The following CAMK2D variants were observed in gnomAD, a reference collection of about 807,000 sequenced individuals.
The protein encoded by CAMK2D is calcium/calmodulin-dependent protein kinase type II subunit delta.
A neutral mutation model predicts 84.0 loss-of-function variants in CAMK2D; 37 were observed. The observed-to-expected ratio is 0.44, with a 90% CI of 0.34 to 0.58. The LOEUF (loss-of-function observed/expected upper bound fraction) is 0.58, where lower values mean the gene tolerates loss of function less well. CAMK2D is among the 20% of genes least tolerant of loss of function. The pLI, the probability that CAMK2D is intolerant of heterozygous loss-of-function variation, is 0.02. For synonymous variants in CAMK2D, 202 were observed against 212.5 expected, an observed-to-expected ratio of 0.95 and a Z score of 0.43; for missense variants, 448 against 652.5, an observed-to-expected ratio of 0.69 and a Z score of 3.41.
intron 4 of CAMK2D, among the ~76,000 whole-genome samples, chr4:113,587,702 T>C (rs1284776729): frequency 2.0e-5 from 3 of 152,160 alleles, no homozygotes; most frequent in African/African-American, 7.2e-5. Flanking sequence ...CTCCAGACTA[T>C]TAGTAACAGT....
rs144417205 is a variant in CAMK2D, at chr4:113,696,132, G to A, written c.161-34360C>T. 7.1e-3 allele frequency among the ~76,000 whole-genome samples: 1,074 copies of A among 151,444 alleles called. 15 individuals are homozygous for A. The highest frequency in any genetic ancestry group is 0.025 in the African/African-American group (1,025 of 41,312). On this transcript the variant is annotated intron_variant, in intron 2 of 20. Transcript: ENST00000511664. Reference sequence around the variant, plus strand: ...ATGCACCATACTAAGGGAGGTCTTTGCTAAGCCATCATATTTAAAATTGCA... The same window carrying A: ...ATGCACCATACTAAGGGAGGTCTTTACTAAGCCATCATATTTAAAATTGCA...
chr4:113,692,173 C>T (rs1446916510), intron 2 of CAMK2D, among the ~76,000 whole-genome samples: 1 of 152,158 alleles, frequency 6.6e-6, no homozygotes, highest in Non-Finnish European at 1.5e-5. Context: ...GAGTTCTCAA[C>T]TGACCATATT....
At chr4:113,499,441 T>G (rs1160315206) in intron 16 of CAMK2D, among the ~76,000 whole-genome samples, 1 of 152,226 alleles carries the variant, frequency 6.6e-6, no homozygotes, top group Non-Finnish European at 1.5e-5. Flanking sequence ...CAAGTTGTGA[T>G]CTACAGCCAT....
At chr4:113,645,413 T>C (rs1429066893) in intron 3 of CAMK2D, among the ~76,000 whole-genome samples, 3 of 152,200 alleles carry the variant, frequency 2.0e-5, no homozygotes, top group Non-Finnish European at 2.9e-5. Context: ...TATTCATTTA[T>C]GAAGTTTCTG....
intron 8 of CAMK2D, among the ~76,000 whole-genome samples, chr4:113,525,417 A>G (rs1040330085): frequency 2.6e-5 from 4 of 152,212 alleles, no homozygotes; most frequent in African/African-American, 4.8e-5. Flanking sequence ...TTAGGAAATT[A>G]TGGAAGCAGT....
At chr4:113,650,565 A>T (rs2099168787) in intron 3 of CAMK2D, among the ~76,000 whole-genome samples, 1 of 152,052 alleles carries the variant, frequency 6.6e-6, no homozygotes, top group African/African-American at 2.4e-5. Flanking sequence ...GGTGGAAACA[A>T]ATTAAATTAA....
At chr4:113,709,746 G>GAGATATATATATATATATATATATAT (rs1554070631) in intron 2 of CAMK2D, among the ~76,000 whole-genome samples, 22 of 49,776 alleles carry the variant, frequency 4.4e-4, no homozygotes, top group Non-Finnish European at 6.9e-4. Flanking sequence ...AGCCGTGAAC[G>GAGATATATATATATATATATATATAT]ATATATATAT....
intron 4 of CAMK2D, among the ~76,000 whole-genome samples, chr4:113,553,904 C>T (rs1001290332): frequency 6.6e-6 from 1 of 152,048 alleles, no homozygotes; most frequent in Non-Finnish European, 1.5e-5. Context: ...GTGACGATAA[C>T]AATTTTGTGA....
chr4:113,610,800 T>C (rs368011228), intron 3 of CAMK2D, among the ~76,000 whole-genome samples: 14 of 152,136 alleles, frequency 9.2e-5, no homozygotes, highest in South Asian at 6.2e-4. Context: ...AGTGCCACCC[T>C]TGAGGTCATT....
At chr4:113,720,937 T>C (rs1189335665) in intron 2 of CAMK2D, among the ~76,000 whole-genome samples, 8 of 152,160 alleles carry the variant, frequency 5.3e-5, no homozygotes, top group Non-Finnish European at 5.9e-5. Flanking sequence ...GTGAATATTT[T>C]GTTTCTGGCC....
chr4:113,759,444 T>C lies in CAMK2D; in HGVS notation c.66-30A>G, dbSNP rs760973355. The C allele has an allele frequency of 1.2e-5, 15 of 1,237,982 alleles. No individual in the cohort carries two copies. The East Asian group carries it at 2.8e-4, about 23-fold the overall frequency. 76.7% of individuals were successfully genotyped at this position (1,237,982 alleles called of 1,614,324 possible). ...AAACCAATAATTAGCAGGTCATTAATATAACAGATATAATATTTCATTAAA... is the reference window on the plus strand; with the variant it reads ...AAACCAATAATTAGCAGGTCATTAACATAACAGATATAATATTTCATTAAA... On this transcript the variant is annotated intron_variant, in intron 1 of 20. Transcript: ENST00000511664.
intron 4 of CAMK2D, among the ~76,000 whole-genome samples, chr4:113,605,060 C>T (rs2098971502): frequency 6.6e-6 from 1 of 152,148 alleles, no homozygotes; most frequent in South Asian, 2.1e-4. Context: ...ATCTGCCCTC[C>T]CTTATCTGCC....
chr4:113,711,751 C>T (rs1036388795), intron 2 of CAMK2D, among the ~76,000 whole-genome samples: 7 of 152,092 alleles, frequency 4.6e-5, no homozygotes, highest in South Asian at 2.1e-4. Flanking sequence ...TAACTCTCCA[C>T]GGTGACATCT....
chr4:113,735,467 C>T (rs1295436896), intron 2 of CAMK2D, among the ~76,000 whole-genome samples: 7 of 151,516 alleles, frequency 4.6e-5, no homozygotes, highest in South Asian at 2.1e-4. Flanking sequence ...AGAGTGAGAC[C>T]GTCTCAAAAA....
chr4:113,611,114 G>A (rs1371076655), intron 3 of CAMK2D, among the ~76,000 whole-genome samples: 1 of 151,510 alleles, frequency 6.6e-6, no homozygotes, highest in Non-Finnish European at 1.5e-5. Flanking sequence ...GGCTACATAA[G>A]CAATTCTTCC....
intron 2 of CAMK2D, among the ~76,000 whole-genome samples, chr4:113,714,261 T>C (rs1482537765): frequency 6.6e-6 from 1 of 152,118 alleles, no homozygotes; most frequent in Non-Finnish European, 1.5e-5. Context: ...GCCATATCAG[T>C]ATGTTTCCTT....
chr4:113,454,413 A>G lies in CAMK2D; in HGVS notation c.*132T>C. 1 of 757,280 alleles carries G rather than the reference A, an allele frequency of 1.3e-6. No individual in the cohort carries two copies. Among genetic ancestry groups the G allele is most frequent in the Non-Finnish European group, 2.5e-6 (1 of 406,576 alleles). 46.9% of individuals were successfully genotyped at this position (757,280 alleles called of 1,614,324 possible). A position where few individuals can be genotyped will look rare whatever the true frequency, so the allele number is the denominator to read the frequency against. ...TTACATGTAGGACCTTCACAACTTC[A>G]TGCACTCAGAAACATGCATGAAGAG... On this transcript the variant is annotated 3_prime_UTR_variant, in exon 21 of 21. Coordinates refer to ENST00000511664, the MANE Select transcript of CAMK2D (RefSeq NM_001321571.2).
chr4:113,592,396 T>C (rs1309911624), intron 4 of CAMK2D, among the ~76,000 whole-genome samples: 1 of 152,222 alleles, frequency 6.6e-6, no homozygotes, highest in East Asian at 1.9e-4. Context: ...GTCTCCAAAA[T>C]GGCAATTAAT....
In CAMK2D at chr4:113,761,314, CCTT is replaced by C. The variant is rs1015916098; in HGVS notation, c.-249_-247del. 8.6e-5 allele frequency: 122 copies of C among 1,414,914 alleles called. No homozygotes were observed. Among genetic ancestry groups the C allele is most frequent in the Non-Finnish European group, 1.1e-4 (120 of 1,087,338 alleles). 87.6% of individuals were successfully genotyped at this position (1,414,914 alleles called of 1,614,324 possible). A position where few individuals can be genotyped will look rare whatever the true frequency, so the allele number is the denominator to read the frequency against. On this transcript the variant is annotated 5_prime_UTR_variant, in exon 1 of 21. Coordinates refer to ENST00000511664, the MANE Select transcript of CAMK2D (RefSeq NM_001321571.2). ...CCTCCTCCTCCTGCGGGCCTCGCTT[CCTT>C]CTTCTCCACTGGACGCTCCACCCGC...
Sources: gnomAD v4.1 joint callset for allele counts (sites outside exome capture counted in the v4.1 genomes callset) on GRCh38, gnomAD v4.1.1 for gene constraint, MANE v1.5 for transcripts, NCBI Gene and HGNC (gene_info 2026-07-23, HGNC 2026-07-21) for gene names.